SLC13A3: variants seen among roughly 807,000 people sequenced by gnomAD.
SLC13A3 encodes the protein solute carrier family 13 member 3.
SLC13A3 carries 40 observed loss-of-function variants against 59.0 expected under a neutral mutation model. The observed-to-expected ratio is 0.68, with a 90% confidence interval of 0.53 to 0.88. SLC13A3 has a LOEUF of 0.88. SLC13A3 is among the 40% of genes least tolerant of loss of function. The pLI is 0.00. For missense variants in SLC13A3, 699 were observed against 783.2 expected, an observed-to-expected ratio of 0.89 and a Z score of 1.28; for synonymous variants, 317 against 330.3, an observed-to-expected ratio of 0.96 and a Z score of 0.44.
chr20:46,625,116 C>T (rs2062654918), intron 1 of SLC13A3, among the ~76,000 whole-genome samples: 2 of 152,146 alleles, frequency 1.3e-5, no homozygotes, highest in South Asian at 2.1e-4. Flanking sequence ...CTGTGGCTGT[C>T]ACAAACCTTG....
upstream of SLC13A3, among the ~76,000 whole-genome samples, chr20:46,656,116 TATATA>T (rs2062988002): frequency 7.1e-6 from 1 of 141,532 alleles, no homozygotes; most frequent in South Asian, 2.2e-4. Context: ...TATTATACTG[TATATA>T]ATATACCACA....
intron 3 of SLC13A3, among the ~76,000 whole-genome samples, chr20:46,605,865 A>G (rs890559991): frequency 3.3e-5 from 5 of 152,148 alleles, no homozygotes; most frequent in Admixed American, 2.6e-4. Flanking sequence ...AATTAGGTAA[A>G]CGGCAATCCA....
intron 1 of SLC13A3, among the ~76,000 whole-genome samples, chr20:46,679,904 T>C (rs976838142): frequency 1.4e-5 from 2 of 142,952 alleles, no homozygotes; most frequent in Non-Finnish European, 3.0e-5. Flanking sequence ...TGAGACTCTG[T>C]CTCAAAAAAA....
chr20:46,595,728 C>T (rs1211231893), intron 5 of SLC13A3, among the ~76,000 whole-genome samples: 1 of 152,156 alleles, frequency 6.6e-6, no homozygotes, highest in Non-Finnish European at 1.5e-5. Context: ...AACAGCTCCA[C>T]CTCCAAGCCC....
At chr20:46,643,819 G>A (rs913389336) in intron 1 of SLC13A3, among the ~76,000 whole-genome samples, 10 of 152,230 alleles carry the variant, frequency 6.6e-5, no homozygotes, top group Middle Eastern at 3.4e-3. Flanking sequence ...TGAGAGGGGC[G>A]GATAGCTTGA....
Position 46,579,579 on chromosome 20 carries a change from A to G in SLC13A3, c.1220-3894T>C, listed in dbSNP as rs372602574. On this transcript the variant is annotated intron_variant, in intron 9 of 12. Transcript: ENST00000279027. ...TCTGCACAGGGTCACTGGTGGCCAA[A>G]GGACAGGCAGTGCTCATGGAGTTCC... Among the ~76,000 whole-genome samples, 71 of 152,352 alleles carry G rather than the reference A, an allele frequency of 4.7e-4. 2 individuals carry two copies. The highest frequency in any genetic ancestry group is 1.6e-3 in the African/African-American group (67 of 41,598).
intron 5 of SLC13A3, 74 bp downstream of exon 5, chr20:46,596,083 T>A: frequency 4.3e-6 from 6 of 1,400,026 alleles, no homozygotes; most frequent in Non-Finnish European, 5.9e-6. Context: ...ACACATTCCC[T>A]GGATGTTGAA....
In SLC13A3 at chr20:46,566,446, C is replaced by A. The variant is rs537824828; in HGVS notation, c.1333-56G>T. 18 of 1,573,230 alleles carry A rather than the reference C, an allele frequency of 1.1e-5. No homozygotes were observed. The East Asian group carries it at 1.8e-4, about 16-fold the overall frequency. On this transcript the variant is annotated intron_variant, in intron 10 of 12. Transcript: ENST00000279027. ...CAGCCCATCCCCAGCTGCCGCCCCC[C>A]AGAGAGGGTTAGGATAGATCACAAC...
chr20:46,600,849 G>C (rs2062373121), intron 3 of SLC13A3, among the ~76,000 whole-genome samples: 1 of 152,236 alleles, frequency 6.6e-6, no homozygotes, highest in Non-Finnish European at 1.5e-5. Flanking sequence ...CAAATGTATG[G>C]AGGAAATAGA....
rs772704864 is a variant in SLC13A3, at chr20:46,613,575, C to T, written c.262G>A (p.Asp88Asn). 8 of 1,613,850 alleles carry T rather than the reference C, an allele frequency of 5.0e-6. No homozygotes were observed. The highest frequency in any genetic ancestry group is 6.8e-6 in the Non-Finnish European group (8 of 1,179,918). Residue 88 changes from aspartate to asparagine, a missense_variant, in exon 2 of 13, where the codon GAC (aspartate) becomes AAC (asparagine). Asp to Asn is a conservative substitution (Grantham distance 23). Transcript: ENST00000279027. ...SNKVCPQYFL[D>N]TNFLFLSGLI... ...CCACTGAGGAAGAGGAAGTTGGTGT[C>T]GAGGAAGTACTGGGGGCAGACCTTG...
chr20:46,653,065 T>C (rs1428744597), upstream of SLC13A3, among the ~76,000 whole-genome samples: 2 of 152,224 alleles, frequency 1.3e-5, no homozygotes, highest in African/African-American at 4.8e-5. Flanking sequence ...TGGTGAACTA[T>C]CTTTTCCTGT....
At chr20:46,579,660 G>A (rs1384518856) in intron 9 of SLC13A3, among the ~76,000 whole-genome samples, 4 of 152,140 alleles carry the variant, frequency 2.6e-5, no homozygotes, top group African/African-American at 7.2e-5. Flanking sequence ...CTGGGCTAAG[G>A]GCACACATTG....
At chr20:46,653,817 C>T (rs1050571653), upstream of SLC13A3, among the ~76,000 whole-genome samples, 1 of 152,036 alleles carries the variant, frequency 6.6e-6, no homozygotes, top group African/African-American at 2.4e-5. Context: ...TATGGATATA[C>T]TATATCGTGT....
chr20:46,619,680 T>C (rs1295465510), intron 1 of SLC13A3, among the ~76,000 whole-genome samples: 1 of 152,180 alleles, frequency 6.6e-6, no homozygotes, highest in African/African-American at 2.4e-5. Flanking sequence ...CTACGCTGCT[T>C]GTCATTCTCT....
intron 1 of SLC13A3, among the ~76,000 whole-genome samples, chr20:46,616,720 G>A (rs2062559354): frequency 6.6e-6 from 1 of 152,218 alleles, no homozygotes; most frequent in Non-Finnish European, 1.5e-5. Flanking sequence ...ACCCTGTTTA[G>A]AGAAGCTCCT....
At chr20:46,568,270 C>T (rs1194734177) in intron 10 of SLC13A3, among the ~76,000 whole-genome samples, 3 of 151,460 alleles carry the variant, frequency 2.0e-5, no homozygotes, top group South Asian at 4.2e-4. Flanking sequence ...TGGTGGTGCA[C>T]GCCTGTAATC....
Position 46,633,107 on chromosome 20 carries a change from T to C in SLC13A3, c.111+18204A>G, listed in dbSNP as rs548965454. On this transcript the variant is annotated intron_variant, in intron 1 of 12. Coordinates refer to ENST00000279027, the MANE Select transcript of SLC13A3 (RefSeq NM_022829.6). Reference sequence around the variant, plus strand: ...TTAGAAGGTTCATCCCAATGATCCATAAGCTACTTCACGTCCACCATTTGG... The same window carrying C: ...TTAGAAGGTTCATCCCAATGATCCACAAGCTACTTCACGTCCACCATTTGG... Among the ~76,000 whole-genome samples, 3 of 152,314 alleles carry C rather than the reference T, an allele frequency of 2.0e-5. No homozygotes were observed. The East Asian group carries it at 5.8e-4, about 29-fold the overall frequency.
chr20:46,684,141 G>A (rs1235828719), intron 1 of SLC13A3, among the ~76,000 whole-genome samples: 1 of 151,942 alleles, frequency 6.6e-6, no homozygotes, highest in Non-Finnish European at 1.5e-5. Context: ...TTTCTTCTTC[G>A]CCAACTTCGC....
intron 1 of SLC13A3, among the ~76,000 whole-genome samples, chr20:46,680,578 T>C (rs966816561): frequency 1.3e-5 from 2 of 152,220 alleles, no homozygotes; most frequent in African/African-American, 4.8e-5. Context: ...CCAGAGCTCG[T>C]GTCCCTTCCA....
Sources: allele counts gnomAD v4.1 joint callset (sites outside exome capture counted in the v4.1 genomes callset), GRCh38; gene constraint gnomAD v4.1.1; transcripts MANE v1.5; gene names NCBI Gene and HGNC (gene_info 2026-07-23, HGNC 2026-07-21).